The following NLRP14 variants were observed in gnomAD, a reference collection of about 807,000 sequenced individuals.
NLRP14 encodes NLR family pyrin domain containing 14, also known as NACHT, LRR and PYD domains-containing protein 14.
A neutral mutation model predicts 94.7 loss-of-function variants in NLRP14; 105 were observed. The ratio of observed to expected loss-of-function variants is 1.11; its 90% CI spans 0.95 to 1.30. The LOEUF (loss-of-function observed/expected upper bound fraction) is 1.30, where lower values mean the gene tolerates loss of function less well. Ranked by LOEUF, NLRP14 falls within the 50% of genes most tolerant of loss-of-function variation. The pLI, the probability that NLRP14 is intolerant of heterozygous loss-of-function variation, is 0.00. For missense variants in NLRP14, 1,362 were observed against 1,254.1 expected (o/e 1.09, Z -1.30); for synonymous variants, 508 against 459.9 (o/e 1.10, Z -1.34).
rs1852796893 is a variant in NLRP14 at position 7,071,409 on chromosome 11, A to G, written c.*101A>G. The G allele has an allele frequency of 4.4e-6, 4 of 918,960 alleles. No individual in the cohort carries two copies. The South Asian group carries it at 5.7e-5, about 13-fold the overall frequency. The allele number at this position is 918,960 out of a possible 1,614,324, so 56.9% of individuals were successfully genotyped here. ...GCTTAGCTTCAGATACTCTATGCCC[A>G]GAGATAGTGCACTTGGCAGCTGTCA... is the stretch of plus-strand genomic sequence containing the variant. On this transcript the variant is annotated 3_prime_UTR_variant, in exon 12 of 12. Transcript: ENST00000299481.
chr11:7,041,435 C>T (rs1054630274), intron 3 of NLRP14, among the ~76,000 whole-genome samples: 1 of 151,908 alleles, frequency 6.6e-6, no homozygotes, highest in African/African-American at 2.4e-5. Flanking sequence ...ATCTTTTTTC[C>T]AGGAGAGGAT....
At chr11:7,040,522 C>T (rs1852232724) in intron 3 of NLRP14, among the ~76,000 whole-genome samples, 1 of 152,166 alleles carries the variant, frequency 6.6e-6, no homozygotes, top group Non-Finnish European at 1.5e-5. Context: ...AAATTGTCTT[C>T]CATGAAACTG....
At chr11:7,038,448 G>C in intron 1 of NLRP14, 118 bp from the exon 2 acceptor site, 2 of 814,358 alleles carry the variant, frequency 2.5e-6, no homozygotes, top group South Asian at 3.1e-5. Context: ...GCCTAATACA[G>C]TGGGCTTCTG....
chr11:7,057,594 TTC>T, intron 6 of NLRP14, 81 bp from the exon 7 acceptor site: 1 of 1,317,826 alleles, frequency 7.6e-7, no homozygotes, highest in East Asian at 2.3e-5. Context: ...ATTAGGAAAC[TTC>T]CTACCTTTGG....
chr11:7,049,913 C>G, intron 6 of NLRP14, 75 bp downstream of exon 6: 1 of 1,254,898 alleles, frequency 8.0e-7, no homozygotes, highest in Non-Finnish European at 1.2e-6. Context: ...ACTCTTACAG[C>G]CTGGATTTGC....
At chr11:7,049,371 G>T (rs1219102545) in intron 5 of NLRP14, among the ~76,000 whole-genome samples, 8 of 152,148 alleles carry the variant, frequency 5.3e-5, no homozygotes, top group Non-Finnish European at 1.5e-5. Context: ...TAATGTTATT[G>T]TAGTACTTGG....
chr11:7,069,951 C>G (rs1852766569), intron 10 of NLRP14, among the ~76,000 whole-genome samples: 1 of 152,242 alleles, frequency 6.6e-6, no homozygotes, highest in African/African-American at 2.4e-5. Flanking sequence ...TAAACACTCA[C>G]TACCAAGCTT....
At chr11:7,035,430 A>G (rs1227201104) in intron 1 of NLRP14, among the ~76,000 whole-genome samples, 7 of 152,160 alleles carry the variant, frequency 4.6e-5, no homozygotes, top group Admixed American at 3.9e-4. Flanking sequence ...ATCTAGAGAC[A>G]TTTTTTGTTT....
chr11:7,071,231 A>T lies in NLRP14; in HGVS notation c.3205A>T (p.Ser1069Cys), dbSNP rs199535673. 1 of 1,613,574 alleles carries T rather than the reference A, an allele frequency of 6.2e-7. No homozygotes were observed. Among genetic ancestry groups the T allele is most frequent in the Non-Finnish European group, 8.5e-7 (1 of 1,179,572 alleles). ...AQKLLEAVGV[S>C]NPHLIIKPDC... ...GAAGCTGCTGGAAGCTGTGGGAGTT[A>T]GCAATCCACACTTAATCATTAAGCC... The change falls in exon 12 of 12, where the codon AGC (serine) becomes TGC (cysteine). Residue 1069 changes from serine (S) to cysteine (C), a missense_variant. Physicochemically the swap from Ser to Cys is moderately radical, Grantham distance 112. Coordinates refer to ENST00000299481, the MANE Select transcript of NLRP14 (RefSeq NM_176822.4).
chr11:7,089,618 G>T, the NLRP14 span: 3 of 1,220,892 alleles, frequency 2.5e-6, no homozygotes, highest in Non-Finnish European at 3.1e-6. Context: ...GGGCCGCGCC[G>T]TCGGGCCCGG....
At chr11:7,081,321 G>A in the NLRP14 span, among the ~76,000 whole-genome samples, 3 of 152,102 alleles carry the variant, frequency 2.0e-5, no homozygotes, top group African/African-American at 7.2e-5. Context: ...ATCCTGGTCT[G>A]AGCCAAGTGG....
At chr11:7,039,921 C>G (rs1373664525) in intron 3 of NLRP14, 136 bp downstream of exon 3, 2 of 749,054 alleles carry the variant, frequency 2.7e-6, no homozygotes, top group Non-Finnish European at 4.8e-6. Flanking sequence ...GAATGTCACC[C>G]AAAAAGGATC....
chr11:7,051,469 T>G (rs1050905729), intron 6 of NLRP14, among the ~76,000 whole-genome samples: 1 of 152,226 alleles, frequency 6.6e-6, no homozygotes, highest in Non-Finnish European at 1.5e-5. Context: ...GATACATCAG[T>G]AGGACTTTGC....
intron 11 of NLRP14, among the ~76,000 whole-genome samples, chr11:7,070,766 T>A (rs759329467): frequency 2.6e-5 from 4 of 152,168 alleles, no homozygotes; most frequent in Non-Finnish European, 5.9e-5. Flanking sequence ...ATGGGTGAAA[T>A]GATAAAATCT....
intron 10 of NLRP14, 130 bp from the exon 11 acceptor site, chr11:7,070,156 A>G: frequency 1.4e-6 from 1 of 698,450 alleles, no homozygotes; most frequent in South Asian, 1.6e-5. Flanking sequence ...TAGTCCTTGA[A>G]TTTATACTAA....
At chr11:7,037,064 T>C (rs1852172150) in intron 1 of NLRP14, among the ~76,000 whole-genome samples, 1 of 152,198 alleles carries the variant, frequency 6.6e-6, no homozygotes. Flanking sequence ...CATGTAGGGA[T>C]ACCTGCAGAT....
At chr11:7,041,517 G>A (rs146610935) in intron 3 of NLRP14, among the ~76,000 whole-genome samples, 178 of 152,098 alleles carry the variant, frequency 1.2e-3, no homozygotes, top group Non-Finnish European at 2.1e-3. Flanking sequence ...AGTACCTATA[G>A]TTATACCTTA....
At chr11:7,068,474 A>C (rs183916843) in intron 10 of NLRP14, among the ~76,000 whole-genome samples, 1 of 152,244 alleles carries the variant, frequency 6.6e-6, no homozygotes, top group East Asian at 1.9e-4. Flanking sequence ...TTCTTCAACT[A>C]ATAGGTTATT....
chr11:7,043,875 G>C lies in NLRP14; in HGVS notation c.1849G>C (p.Val617Leu). ...INICEKIHLL[V>L]SSFCLKHCRC... ...TATTTGTGAGAAAATACATTTGCTTGTATCTTCTTTCTGCCTTAAGCACTG... is the reference window on the plus strand; with the variant it reads ...TATTTGTGAGAAAATACATTTGCTTCTATCTTCTTTCTGCCTTAAGCACTG... Residue 617 changes from valine to leucine, a missense_variant, in exon 4 of 12, where the codon GTA (valine) becomes CTA (leucine). By Grantham distance (32) the Val-to-Leu change is conservative. Transcript: ENST00000299481. 2 of 1,614,162 alleles carry C rather than the reference G, an allele frequency of 1.2e-6. No homozygotes were observed. The highest frequency in any genetic ancestry group is 1.3e-5 in the African/African-American group (1 of 75,050).
Sources: gnomAD v4.1 joint callset for allele counts (sites outside exome capture counted in the v4.1 genomes callset) on GRCh38, gnomAD v4.1.1 for gene constraint, MANE v1.5 for transcripts, NCBI Gene and HGNC (gene_info 2026-07-23, HGNC 2026-07-21) for gene names.